TKT: variants seen among roughly 807,000 people sequenced by gnomAD.
TKT encodes epididymis luminal protein 107.
A neutral mutation model predicts 63.9 loss-of-function variants in TKT; 47 were observed. That is an observed-to-expected ratio of 0.74 (90% CI 0.58 to 0.94). The LOEUF (loss-of-function observed/expected upper bound fraction) is 0.94, where lower values mean the gene tolerates loss of function less well. TKT is among the 40% of genes least tolerant of loss of function. The probability of loss-of-function intolerance (pLI) is 0.00; values close to 1 mark genes in which losing one functional copy is unlikely to be tolerated. For missense variants in TKT, 721 were observed against 846.2 expected (o/e 0.85, Z 1.84); for synonymous variants, 338 against 334.1 (o/e 1.01, Z -0.13).
chr3:53,238,159 G>A (rs564493287), intron 4 of TKT, among the ~76,000 whole-genome samples: 5 of 152,066 alleles, frequency 3.3e-5, no homozygotes, highest in African/African-American at 1.2e-4. Flanking sequence ...CCTGGCTTCT[G>A]GGAACCCAGC....
intron 1 of TKT, among the ~76,000 whole-genome samples, chr3:53,252,247 T>C (rs1284606073): frequency 6.6e-6 from 1 of 152,204 alleles, no homozygotes; most frequent in Non-Finnish European, 1.5e-5. Context: ...GGCCAGGGCT[T>C]CCGGACTGAG....
At chr3:53,226,125 C>T (rs1031240471) in intron 13 of TKT, 194 bp from the exon 14 acceptor site, 3 of 512,078 alleles carry the variant, frequency 5.9e-6, no homozygotes, top group East Asian at 3.3e-5. Flanking sequence ...CACCATGTTG[C>T]CCAGGCTGGT....
At chr3:53,232,759 C>T (rs1203495250) in intron 6 of TKT, 1 of 408,086 alleles carries the variant, frequency 2.5e-6, no homozygotes, top group African/African-American at 2.1e-5. Context: ...GAACAGTTCT[C>T]TCCGGGCCCT....
chr3:53,235,162 A>G lies in TKT; in HGVS notation c.450T>C (p.Tyr150=). The change falls in exon 5 of 14, where the codon TAT becomes TAC. Residue 150 remains tyrosine, a synonymous_variant. Coordinates refer to ENST00000462138, the MANE Select transcript of TKT (RefSeq NM_001064.4). The stretch of plus-strand genomic sequence containing the variant: ...ACAGCTCCCCGTCTCCCAGCAAGCA[A>G]TAGACTCGGTAGCTGTGGACAGAGA... ...KYFDKASYRV[Y]CLLGDGELSE... is the part of the protein sequence containing the mutation. The G allele has an allele frequency of 6.2e-7, 1 of 1,611,960 alleles. No homozygotes were observed. The highest frequency in any genetic ancestry group is 8.5e-7 in the Non-Finnish European group (1 of 1,179,014).
intron 1 of TKT, among the ~76,000 whole-genome samples, chr3:53,248,584 G>A (rs1202098499): frequency 6.6e-6 from 1 of 152,238 alleles, no homozygotes; most frequent in South Asian, 2.1e-4. Flanking sequence ...TGCCATGACT[G>A]TGCCATTGCA....
At position 53,226,892 on chromosome 3, in the gene TKT, C is replaced by T; in HGVS notation, c.1574-14G>A. 7.5e-6 allele frequency: 12 copies of T among 1,590,998 alleles called. No homozygotes were observed. Among genetic ancestry groups the T allele is most frequent in the Non-Finnish European group, 1.0e-5 (12 of 1,166,998 alleles). ...TGTTGATCTTTTCTGTGAGGGAGAG[C>T]ACACGGCGTGGCTGAGGGGAGGGCT... On this transcript the variant is annotated splice_polypyrimidine_tract_variant and intron_variant, in intron 12 of 13. Coordinates refer to ENST00000462138, the MANE Select transcript of TKT (RefSeq NM_001064.4).
At position 53,241,224 on chromosome 3, in the gene TKT, A is replaced by G; in HGVS notation, c.247T>C (p.Tyr83His). Residue 83 changes from tyrosine to histidine, a missense_variant, in exon 3 of 14, where the codon TAC (tyrosine) becomes CAC (histidine). Transcript: ENST00000462138. The part of the protein sequence containing the change: ...LSKGHAAPIL[Y>H]AVWAEAGFLA... ...AAACCAGCTTCAGCCCAGACCGCGTAGAGGATGGGAGCTGCATGGCCCTGC... is the reference window on the plus strand; with the variant it reads ...AAACCAGCTTCAGCCCAGACCGCGTGGAGGATGGGAGCTGCATGGCCCTGC... 4.4e-6 allele frequency: 7 copies of G among 1,601,556 alleles called. No homozygotes were observed. Among genetic ancestry groups the G allele is most frequent in the African/African-American group, 1.3e-5 (1 of 74,206 alleles).
intron 1 of TKT, among the ~76,000 whole-genome samples, chr3:53,253,136 C>T (rs2106736273): frequency 6.6e-6 from 1 of 152,256 alleles, no homozygotes; most frequent in East Asian, 1.9e-4. Flanking sequence ...GTCACTGCGC[C>T]TGGCCGAAAC....
At chr3:53,247,633 CAAAAAAAAAAA>C (rs3075723) in intron 1 of TKT, among the ~76,000 whole-genome samples, 1 of 66,986 alleles carries the variant, frequency 1.5e-5, no homozygotes, top group Admixed American at 2.0e-4. Flanking sequence ...GACTCCACCT[CAAAAAAAAAAA>C]AAAAAAAAAA....
At chr3:53,246,416 G>T (rs1705506711) in intron 1 of TKT, among the ~76,000 whole-genome samples, 1 of 152,180 alleles carries the variant, frequency 6.6e-6, no homozygotes, top group African/African-American at 2.4e-5. Flanking sequence ...ATACTATACA[G>T]CAGTAAGAAT....
At chr3:53,226,425 A>C (rs1195457602) in intron 13 of TKT, 2 of 330,456 alleles carry the variant, frequency 6.1e-6, no homozygotes, top group Admixed American at 9.3e-5. Context: ...AAATACCAGA[A>C]ATTCTGCATT....
chr3:53,238,075 C>T (rs782486240), intron 4 of TKT, among the ~76,000 whole-genome samples: 10 of 152,182 alleles, frequency 6.6e-5, no homozygotes, highest in Non-Finnish European at 1.3e-4. Context: ...ACATGATAAT[C>T]CCTGGATGCC....
At chr3:53,243,238 C>G (rs1313887886) in intron 1 of TKT, among the ~76,000 whole-genome samples, 1 of 152,048 alleles carries the variant, frequency 6.6e-6, no homozygotes, top group Non-Finnish European at 1.5e-5. Flanking sequence ...GCTGCAGGTC[C>G]TGATCAGCCC....
rs1704453320 is a variant in TKT at position 53,225,335 on chromosome 3, C to T, written c.*421G>A. 1 of 155,294 alleles carries T rather than the reference C, an allele frequency of 6.4e-6. No homozygotes were observed. Among genetic ancestry groups the T allele is most frequent in the Non-Finnish European group, 1.4e-5 (1 of 70,244 alleles). The allele number at this position is 155,294 out of a possible 1,614,324, so 9.6% of individuals were successfully genotyped here. A position where few individuals can be genotyped will look rare whatever the true frequency, so the allele number is the denominator to read the frequency against. ...GGAGGTGGGGCGGCCCTGAGAGTGC[C>T]TGGTCAGCTTCCAGACTGAGGCAGT... On this transcript the variant is annotated 3_prime_UTR_variant, in exon 14 of 14. Coordinates refer to ENST00000462138, the MANE Select transcript of TKT (RefSeq NM_001064.4).
chr3:53,245,128 A>C (rs1705450042), intron 1 of TKT, among the ~76,000 whole-genome samples: 2 of 151,334 alleles, frequency 1.3e-5, no homozygotes, highest in Non-Finnish European at 2.9e-5. Context: ...ATATGGTAAA[A>C]CCCCATCTCT....
At position 53,231,908 on chromosome 3, in the gene TKT, A is replaced by G. The variant is rs1340451641; in HGVS notation, c.749-358T>C. The G allele has an allele frequency of 1.3e-5, 4 of 307,854 alleles. No individual in the cohort carries two copies. The South Asian group carries it at 2.7e-4, about 21-fold the overall frequency. 19.1% of individuals were successfully genotyped at this position (307,854 alleles called of 1,614,324 possible). ...CACAACCCCGCCTGCAGGGTCACAC[A>G]CAGGTAGAGGTGTCTGCTGCAGAAA... On this transcript the variant is annotated intron_variant, in intron 6 of 13. Transcript: ENST00000462138.
intron 1 of TKT, among the ~76,000 whole-genome samples, chr3:53,243,416 A>AC (rs1705371121): frequency 6.6e-6 from 1 of 152,092 alleles, no homozygotes; most frequent in Non-Finnish European, 1.5e-5. Flanking sequence ...GGGCACATGC[A>AC]CCATCTGGAG....
chr3:53,243,597 C>T (rs1436302001), intron 1 of TKT: 1 of 456,540 alleles, frequency 2.2e-6, no homozygotes, highest in Admixed American at 2.3e-5. Flanking sequence ...TCTATGAACT[C>T]CCGGTCATGG....
At chr3:53,239,188 G>C (rs571790347) in intron 4 of TKT, among the ~76,000 whole-genome samples, 11 of 152,230 alleles carry the variant, frequency 7.2e-5, no homozygotes, top group African/African-American at 2.6e-4. Context: ...ATGACTGTGA[G>C]GCCTCCCTAG....
Sources: allele counts gnomAD v4.1 joint callset (sites outside exome capture counted in the v4.1 genomes callset), GRCh38; gene constraint gnomAD v4.1.1; transcripts MANE v1.5; gene names NCBI Gene and HGNC (gene_info 2026-07-23, HGNC 2026-07-21).